EYS: variants seen among roughly 807,000 people sequenced by gnomAD.
The protein encoded by EYS is protein eyes shut homolog.
EYS carries 250 observed loss-of-function variants against 282.1 expected under a neutral mutation model. That is an observed-to-expected ratio of 0.89 (90% CI 0.80 to 0.98). The LOEUF (loss-of-function observed/expected upper bound fraction) is 0.98, where lower values mean the gene tolerates loss of function less well. Among genes scored for constraint, EYS ranks in the 50% least tolerant of loss-of-function variants. The pLI is 0.00. For missense variants in EYS, 4,016 were observed against 3,709.0 expected, an observed-to-expected ratio of 1.08 and a Z score of -2.15; for synonymous variants, 1,355 against 1,282.9, an observed-to-expected ratio of 1.06 and a Z score of -1.20.
chr6:63,985,405 C>T lies in EYS; in HGVS notation c.6835-802G>A, dbSNP rs142878242. ...TTCCAGAGCTGTAAGAACTGTAAGA[C>T]ATTTCTGTGGTTTAAGCCACCCAGT... On this transcript the variant is annotated intron_variant, in intron 34 of 42. Transcript: ENST00000503581. Among the ~76,000 whole-genome samples, 719 of 151,768 alleles carry T rather than the reference C, an allele frequency of 4.7e-3. 3 individuals are homozygous for T. The highest frequency in any genetic ancestry group is 0.017 in the African/African-American group (687 of 41,474).
intron 12 of EYS, among the ~76,000 whole-genome samples, chr6:65,157,933 C>A (rs1264196621): frequency 6.6e-6 from 1 of 150,628 alleles, no homozygotes; most frequent in African/African-American, 2.4e-5. Flanking sequence ...TTTCTGGCAA[C>A]CATAATCTAG....
chr6:64,989,139 T>C (rs759630482), intron 14 of EYS, among the ~76,000 whole-genome samples: 1 of 151,146 alleles, frequency 6.6e-6, no homozygotes, highest in Non-Finnish European at 1.5e-5. Context: ...CTGCTATGAA[T>C]ATGTTTATTA....
At chr6:65,179,096 G>A (rs1003259914) in intron 12 of EYS, among the ~76,000 whole-genome samples, 79 of 152,042 alleles carry the variant, frequency 5.2e-4, no homozygotes, top group Middle Eastern at 3.4e-3. Context: ...CTAAATGCCC[G>A]CAAGAGAAAG....
intron 22 of EYS, among the ~76,000 whole-genome samples, chr6:64,664,769 A>G (rs917313922): frequency 5.3e-5 from 8 of 152,230 alleles, no homozygotes; most frequent in Non-Finnish European, 1.0e-4. Context: ...TCTATGAACT[A>G]GAAAATGGGT....
rs557575352 is a variant in EYS, at chr6:65,215,583, A to G, written c.2023+80280T>C. ...TTAAAATCTTACAAAAACTTAGTTC[A>G]TGAAACCATGGCAGGCTTAAAGGGA... On this transcript the variant is annotated intron_variant, in intron 12 of 42. Transcript: ENST00000503581. 2.0e-5 allele frequency among the ~76,000 whole-genome samples: 3 copies of G among 152,364 alleles called. No individual in the cohort carries two copies. In the East Asian group the frequency reaches 5.8e-4, roughly 29 times the overall value.
intron 29 of EYS, among the ~76,000 whole-genome samples, chr6:64,347,461 G>T: frequency 6.6e-6 from 1 of 151,268 alleles, no homozygotes; most frequent in Admixed American, 6.6e-5. Flanking sequence ...AAGATGGAGG[G>T]TGTAGTATAC....
intron 12 of EYS, among the ~76,000 whole-genome samples, chr6:65,263,442 ATATG>A (rs1393816830): frequency 6.6e-6 from 1 of 152,138 alleles, no homozygotes; most frequent in Non-Finnish European, 1.5e-5. Flanking sequence ...CAGTAAAGTA[ATATG>A]ATAAAGTGTT....
In EYS at chr6:64,822,679, A is replaced by C; in HGVS notation, c.3136T>G (p.Cys1046Gly). 2 of 1,544,386 alleles carry C rather than the reference A, an allele frequency of 1.3e-6. No homozygotes were observed. The highest frequency in any genetic ancestry group is 1.7e-6 in the Non-Finnish European group (2 of 1,144,512). ...CCATGTAGACAAGGATTTGAAAGGC[A>C]ATCATTGGCGTTTGTTTCACAGTGT... ...GTHCETNAND[C>G]LSNPCLHGRC... Residue 1046 changes from cysteine to glycine, a missense_variant, in exon 20 of 43, where the codon TGC (cysteine) becomes GGC (glycine). By Grantham distance (159) the Cys-to-Gly change is radical (BLOSUM62 -3). Coordinates refer to ENST00000503581, the MANE Select transcript of EYS (RefSeq NM_001142800.2).
intron 18 of EYS, among the ~76,000 whole-genome samples, chr6:64,896,853 G>C (rs1304766373): frequency 1.3e-5 from 2 of 150,702 alleles, no homozygotes; most frequent in South Asian, 2.1e-4. Context: ...GACTGGTGGA[G>C]GGGGGGGCCA....
intron 35 of EYS, among the ~76,000 whole-genome samples, chr6:63,890,811 G>T (rs1208388919): frequency 1.3e-5 from 2 of 152,142 alleles, no homozygotes; most frequent in African/African-American, 4.8e-5. Context: ...CCAGGAGCTG[G>T]TTTTTTGAAA....
chr6:64,875,579 A>G (rs1023547050), intron 19 of EYS, among the ~76,000 whole-genome samples: 5 of 152,054 alleles, frequency 3.3e-5, no homozygotes, highest in African/African-American at 1.2e-4. Flanking sequence ...TATACATAGG[A>G]GCCATCCATG....
intron 35 of EYS, among the ~76,000 whole-genome samples, chr6:63,933,053 T>C (rs959217151): frequency 2.0e-5 from 3 of 152,138 alleles, no homozygotes; most frequent in African/African-American, 7.2e-5. Flanking sequence ...TTACAAAGGA[T>C]ACAGATGAAC....
At chr6:64,585,139 T>C (rs753334432) in intron 26 of EYS, among the ~76,000 whole-genome samples, 9 of 151,956 alleles carry the variant, frequency 5.9e-5, no homozygotes, top group Non-Finnish European at 1.2e-4. Flanking sequence ...TACACAGCCA[T>C]AAAAAGAACA....
intron 26 of EYS, among the ~76,000 whole-genome samples, chr6:64,588,948 G>T (rs1019077246): frequency 6.6e-6 from 1 of 152,030 alleles, no homozygotes; most frequent in Admixed American, 6.6e-5. Flanking sequence ...GCAAGATTAT[G>T]TTTAAAAAGA....
chr6:65,495,059 T>C lies in EYS; in HGVS notation c.352A>G (p.Thr118Ala). The C allele has an allele frequency of 6.2e-7, 1 of 1,614,234 alleles. No homozygotes were observed. The highest frequency in any genetic ancestry group is 8.5e-7 in the Non-Finnish European group (1 of 1,180,042). The change falls in exon 4 of 43, where the codon ACC becomes GCC. Residue 118 changes from threonine (T) to alanine (A), a missense_variant. By Grantham distance (58) the Thr-to-Ala change is moderately conservative (BLOSUM62 0). Coordinates refer to ENST00000503581, the MANE Select transcript of EYS (RefSeq NM_001142800.2). ...AAAAGTAACTGATCTTCCGTTGTGG[T>C]ATTTTGCACACAGCCAACGAAAGAT... is the stretch of plus-strand genomic sequence containing the variant. ...ETSFVGCVQN[T>A]TTEDQLLFGC...
chr6:65,053,706 C>T (rs930111223), intron 13 of EYS, among the ~76,000 whole-genome samples: 10 of 151,936 alleles, frequency 6.6e-5, no homozygotes, highest in African/African-American at 2.2e-4. Flanking sequence ...TCTGTACTTG[C>T]GTCTGAAGCA....
chr6:64,542,310 C>T (rs980632532), intron 26 of EYS, among the ~76,000 whole-genome samples: 2 of 152,008 alleles, frequency 1.3e-5, no homozygotes, highest in African/African-American at 4.8e-5. Context: ...TACCTGAGAA[C>T]TGTGTTTCAT....
chr6:64,323,709 C>T (rs535880140), intron 29 of EYS, among the ~76,000 whole-genome samples: 2 of 152,158 alleles, frequency 1.3e-5, no homozygotes, highest in South Asian at 4.1e-4. Flanking sequence ...TAATTGAAAA[C>T]ATCCTAAATG....
intron 22 of EYS, among the ~76,000 whole-genome samples, chr6:64,669,907 G>T (rs931302329): frequency 6.6e-6 from 1 of 152,092 alleles, no homozygotes; most frequent in Non-Finnish European, 1.5e-5. Context: ...TCAGCTTAAC[G>T]TTAGATAGGT....
Sources: gnomAD v4.1 joint callset for allele counts (sites outside exome capture counted in the v4.1 genomes callset) on GRCh38, gnomAD v4.1.1 for gene constraint, MANE v1.5 for transcripts, NCBI Gene and HGNC (gene_info 2026-07-23, HGNC 2026-07-21) for gene names.